SLC39A8: variants seen among roughly 807,000 people sequenced by gnomAD.
SLC39A8 encodes the protein solute carrier family 39 member 8, also known as metal cation symporter ZIP8.
A neutral mutation model predicts 40.4 loss-of-function variants in SLC39A8; 15 were observed. The ratio of observed to expected loss-of-function variants is 0.37; its 90% CI spans 0.25 to 0.57. SLC39A8 has a LOEUF of 0.57. Ranked by LOEUF, SLC39A8 falls within the 20% of genes least tolerant of loss-of-function variation. The pLI is 0.75. For missense variants in SLC39A8, 472 were observed against 558.8 expected, an observed-to-expected ratio of 0.84 and a Z score of 1.57; for synonymous variants, 223 against 221.6, an observed-to-expected ratio of 1.01 and a Z score of -0.06.
intron 6 of SLC39A8, among the ~76,000 whole-genome samples, chr4:102,298,761 G>A (rs1274667775): frequency 1.3e-5 from 2 of 148,896 alleles, no homozygotes; most frequent in African/African-American, 2.5e-5. Flanking sequence ...TTGGAAGATG[G>A]AAAGAGGAAG....
intron 4 of SLC39A8, among the ~76,000 whole-genome samples, chr4:102,305,443 T>C (rs577409556): frequency 5.3e-4 from 80 of 152,096 alleles, no homozygotes; most frequent in African/African-American, 1.9e-3. Flanking sequence ...TTCTCATCTT[T>C]AGAATACGAT....
At chr4:102,322,120 T>TA (rs999667646) in intron 2 of SLC39A8, among the ~76,000 whole-genome samples, 18 of 152,172 alleles carry the variant, frequency 1.2e-4, no homozygotes, top group African/African-American at 4.3e-4. Context: ...GTGATTTTGG[T>TA]AAGCATAGGA....
chr4:102,299,177 C>G (rs1226487889), intron 6 of SLC39A8, among the ~76,000 whole-genome samples: 1 of 151,982 alleles, frequency 6.6e-6, no homozygotes, highest in Non-Finnish European at 1.5e-5. Context: ...CAGTAATATT[C>G]TACCCTTCTT....
chr4:102,263,547 G>GCTGA (rs773548730), intron 8 of SLC39A8, among the ~76,000 whole-genome samples: 5 of 152,182 alleles, frequency 3.3e-5, no homozygotes, highest in Non-Finnish European at 7.3e-5. Context: ...CTTGATGGCT[G>GCTGA]CTGACTGATT....
chr4:102,331,560 G>T (rs1174350117), intron 2 of SLC39A8, among the ~76,000 whole-genome samples: 2 of 152,150 alleles, frequency 1.3e-5, no homozygotes, highest in Non-Finnish European at 2.9e-5. Flanking sequence ...TGGATAGGAA[G>T]AATCAATATC....
intron 6 of SLC39A8, among the ~76,000 whole-genome samples, chr4:102,272,394 G>A (rs187046294): frequency 4.6e-5 from 7 of 151,634 alleles, no homozygotes; most frequent in Admixed American, 2.0e-4. Flanking sequence ...AGCCGAGATC[G>A]CAGTGAGCCG....
chr4:102,305,203 C>T, intron 4 of SLC39A8, 92 bp from the exon 5 acceptor site: 1 of 1,284,548 alleles, frequency 7.8e-7, no homozygotes, highest in Non-Finnish European at 1.1e-6. Context: ...CACCAATGTT[C>T]TAAGTCTCTC....
Position 102,299,924 on chromosome 4 carries a change from C to T in SLC39A8, c.840+4393G>A, listed in dbSNP as rs147877439. ...AAGGCTGTGTCTGGGCTGGGGAGCC[C>T]CACCCGGCTGCAGAGATAGTGAAAT... is the stretch of plus-strand genomic sequence containing the variant. On this transcript the variant is annotated intron_variant, in intron 6 of 8. Coordinates refer to ENST00000356736, the MANE Select transcript of SLC39A8 (RefSeq NM_001135146.2). Among the ~76,000 whole-genome samples, 353 of 152,092 alleles carry T rather than the reference C, an allele frequency of 2.3e-3. 2 individuals are homozygous for T. Among genetic ancestry groups the T allele is most frequent in the Non-Finnish European group, 3.9e-3 (264 of 67,960 alleles).
intron 7 of SLC39A8, 31 bp downstream of exon 7, chr4:102,267,841 A>G: frequency 6.2e-7 from 1 of 1,607,202 alleles, no homozygotes; most frequent in Non-Finnish European, 8.5e-7. Flanking sequence ...AGAAGTAAGC[A>G]GACTTTTACA....
chr4:102,298,333 A>T lies in SLC39A8; in HGVS notation c.840+5984T>A, dbSNP rs184725983. ...ACCTGTCCAGGGCAGGGATGCTCTG[A>T]GATAGACCCAGTGAGAGAGAAATTC... On this transcript the variant is annotated intron_variant, in intron 6 of 8. Transcript: ENST00000356736. Among the ~76,000 whole-genome samples, 5 of 152,160 alleles carry T rather than the reference A, an allele frequency of 3.3e-5. No homozygotes were observed. In the East Asian group the frequency reaches 9.7e-4, roughly 30 times the overall value.
chr4:102,318,802 A>G lies in SLC39A8; in HGVS notation c.220-2972T>C, dbSNP rs1400162248. Among the ~76,000 whole-genome samples the G allele has an allele frequency of 3.9e-5, 6 of 152,204 alleles. No homozygotes were observed. In the East Asian group the frequency reaches 1.2e-3, roughly 29 times the overall value. On this transcript the variant is annotated intron_variant, in intron 2 of 8. Coordinates refer to ENST00000356736, the MANE Select transcript of SLC39A8 (RefSeq NM_001135146.2). Reference sequence around the variant, plus strand: ...GTACGGAATGCTATCTGCCTTAATAAAACTCCATGTGCTTTCGCCAGCTCC... The same window carrying G: ...GTACGGAATGCTATCTGCCTTAATAGAACTCCATGTGCTTTCGCCAGCTCC...
chr4:102,326,564 A>C (rs1467207735), intron 2 of SLC39A8, among the ~76,000 whole-genome samples: 1 of 152,202 alleles, frequency 6.6e-6, no homozygotes, highest in African/African-American at 2.4e-5. Context: ...CCGTCTCAAA[A>C]AAATAAAAAA....
At chr4:102,341,278 C>T (rs1311826022) in intron 2 of SLC39A8, among the ~76,000 whole-genome samples, 2 of 152,108 alleles carry the variant, frequency 1.3e-5, no homozygotes, top group Admixed American at 1.3e-4. Context: ...TCCAGCAGCT[C>T]AGTGTGATAA....
intron 6 of SLC39A8, among the ~76,000 whole-genome samples, chr4:102,273,826 G>A (rs551717862): frequency 6.6e-6 from 1 of 152,294 alleles, no homozygotes; most frequent in East Asian, 1.9e-4. Flanking sequence ...TGGACCCCCA[G>A]CAAACTCCAG....
chr4:102,287,799 T>C (rs1218642429), intron 6 of SLC39A8, among the ~76,000 whole-genome samples: 2 of 152,182 alleles, frequency 1.3e-5, no homozygotes, highest in Non-Finnish European at 2.9e-5. Context: ...ATTTTGCTTT[T>C]TTAAAAGAAC....
chr4:102,310,333 G>C (rs1734379186), intron 3 of SLC39A8, among the ~76,000 whole-genome samples: 1 of 152,042 alleles, frequency 6.6e-6, no homozygotes, highest in African/African-American at 2.4e-5. Context: ...ACCACTTCTT[G>C]TGTGCTACAG....
intron 8 of SLC39A8, among the ~76,000 whole-genome samples, chr4:102,266,544 T>C (rs1560526047): frequency 6.6e-6 from 1 of 152,216 alleles, no homozygotes; most frequent in Non-Finnish European, 1.5e-5. Context: ...TATTATCATT[T>C]TATAGAAAGA....
intron 2 of SLC39A8, among the ~76,000 whole-genome samples, chr4:102,335,241 G>A (rs994973238): frequency 6.6e-6 from 1 of 152,182 alleles, no homozygotes; most frequent in Non-Finnish European, 1.5e-5. Context: ...ATAAGGGACT[G>A]CATGTTTTAT....
At chr4:102,286,251 C>T (rs1032738454) in intron 6 of SLC39A8, among the ~76,000 whole-genome samples, 2 of 152,076 alleles carry the variant, frequency 1.3e-5, no homozygotes, top group Non-Finnish European at 2.9e-5. Context: ...TTACTTGAAC[C>T]TCATATATTA....
Sources: allele counts gnomAD v4.1 joint callset (sites outside exome capture counted in the v4.1 genomes callset), GRCh38; gene constraint gnomAD v4.1.1; transcripts MANE v1.5; gene names NCBI Gene and HGNC (gene_info 2026-07-23, HGNC 2026-07-21).